ITGB5: variants seen among roughly 807,000 people sequenced by gnomAD.
ITGB5 encodes integrin beta-5.
A neutral mutation model predicts 84.8 loss-of-function variants in ITGB5; 38 were observed. That is an observed-to-expected ratio of 0.45 (90% confidence interval 0.35 to 0.59). The LOEUF (loss-of-function observed/expected upper bound fraction) is 0.59, where lower values mean the gene tolerates loss of function less well. Ranked by LOEUF, ITGB5 falls within the 20% of genes least tolerant of loss-of-function variation. ITGB5 has a pLI of 0.01. For missense variants in ITGB5, 905 were observed against 1,034.5 expected (o/e 0.87, Z 1.72); for synonymous variants, 393 against 414.4 (o/e 0.95, Z 0.63).
chr3:124,876,376 G>C (rs1033120511), intron 1 of ITGB5, among the ~76,000 whole-genome samples: 5 of 151,784 alleles, frequency 3.3e-5, no homozygotes, highest in African/African-American at 1.2e-4. Context: ...AAACAAACCA[G>C]TATCTTGCAA....
At chr3:124,842,997 C>T (rs58331374) in intron 4 of ITGB5, among the ~76,000 whole-genome samples, 29,765 of 152,078 alleles carry the variant, frequency 0.2, 3,027 homozygotes, top group Admixed American at 0.22. Context: ...CGCGCTCTCC[C>T]TCTCGGGGCC....
chr3:124,801,339 C>T (rs1444498339), intron 9 of ITGB5, among the ~76,000 whole-genome samples: 1 of 152,194 alleles, frequency 6.6e-6, no homozygotes, highest in Non-Finnish European at 1.5e-5. Flanking sequence ...GAAAGAGAAT[C>T]TCACTGGATT....
chr3:124,776,661 C>G (rs1559927261), intron 10 of ITGB5, among the ~76,000 whole-genome samples: 1 of 152,194 alleles, frequency 6.6e-6, no homozygotes, highest in Non-Finnish European at 1.5e-5. Flanking sequence ...CTCTGGCACT[C>G]TCTGATGGCT....
At chr3:124,816,558 T>G (rs1010426910) in intron 8 of ITGB5, among the ~76,000 whole-genome samples, 1 of 152,156 alleles carries the variant, frequency 6.6e-6, no homozygotes, top group Non-Finnish European at 1.5e-5. Context: ...AGCAGGTGGG[T>G]AGGCAATGGA....
intron 13 of ITGB5, among the ~76,000 whole-genome samples, chr3:124,765,978 G>A (rs1489951105): frequency 6.6e-6 from 1 of 150,660 alleles, no homozygotes; most frequent in South Asian, 2.1e-4. Flanking sequence ...AGGATCACCT[G>A]AACCCGAGGA....
In ITGB5 at chr3:124,823,987, G is replaced by A. The variant is rs569843530; in HGVS notation, c.781-2513C>T. ...ATATCATTTCAGGATTGGAAGAGCCGATGGTGTTGAGACGCCATCTCTCTG... is the reference window on the plus strand; with the variant it reads ...ATATCATTTCAGGATTGGAAGAGCCAATGGTGTTGAGACGCCATCTCTCTG... On this transcript the variant is annotated intron_variant, in intron 5 of 14. Transcript: ENST00000296181. Among the ~76,000 whole-genome samples, 213 of 152,286 alleles carry A rather than the reference G, an allele frequency of 1.4e-3. 1 individual carries two copies. Among genetic ancestry groups the A allele is most frequent in the African/African-American group, 5.0e-3 (206 of 41,570 alleles).
intron 3 of ITGB5, among the ~76,000 whole-genome samples, chr3:124,855,530 C>A (rs2065211833): frequency 6.6e-6 from 1 of 152,168 alleles, no homozygotes. Flanking sequence ...TAAGAGGCAT[C>A]ATTGGTTTCA....
chr3:124,764,555 A>G lies in ITGB5; in HGVS notation c.2140T>C (p.Cys714Arg), dbSNP rs1328560934. 1 of 1,605,798 alleles carries G rather than the reference A, an allele frequency of 6.2e-7. No individual in the cohort carries two copies. Among genetic ancestry groups the G allele is most frequent in the Middle Eastern group, 1.7e-4 (1 of 6,026 alleles). ...GTCATGGCGTTGGGGGTGTTTCCAC[A>G]CTCTGGGGGGACCAGAAGCATGGTA... The part of the protein sequence containing the change: ...SNLTVLREPE[C>R]GNTPNAMTIL... Residue 714 changes from cysteine (C) to arginine (R), a missense_variant and splice_region_variant, in exon 14 of 15, where the codon TGT (cysteine) becomes CGT (arginine). Physicochemically the swap from Cys to Arg is radical, Grantham distance 180 (BLOSUM62 -3). Transcript: ENST00000296181.
intron 4 of ITGB5, among the ~76,000 whole-genome samples, chr3:124,844,568 A>AG (rs2065053506): frequency 6.6e-6 from 1 of 152,120 alleles, no homozygotes. Flanking sequence ...TCAAAAAAAA[A>AG]AGGTAGGAAA....
intron 5 of ITGB5, among the ~76,000 whole-genome samples, chr3:124,827,542 C>T (rs1390119179): frequency 6.6e-6 from 1 of 152,176 alleles, no homozygotes; most frequent in African/African-American, 2.4e-5. Context: ...TACCACATGC[C>T]TTTACAGTAT....
intron 9 of ITGB5, among the ~76,000 whole-genome samples, chr3:124,802,360 C>T (rs2107526600): frequency 6.6e-6 from 1 of 152,340 alleles, no homozygotes; most frequent in South Asian, 2.1e-4. Flanking sequence ...ACTGTCAATG[C>T]TTTGGAGACA....
intron 1 of ITGB5, among the ~76,000 whole-genome samples, chr3:124,877,673 G>T (rs1455056870): frequency 6.6e-6 from 1 of 152,094 alleles, no homozygotes; most frequent in Admixed American, 6.6e-5. Context: ...GTCAGACGGG[G>T]TCCTGACCAG....
In ITGB5 at chr3:124,763,712, T is replaced by C. The variant is rs2063726671; in HGVS notation, c.2311A>G (p.Asn771Asp). The change falls in exon 15 of 15, where the codon AAT becomes GAT. Residue 771 changes from asparagine to aspartate, a missense_variant. By Grantham distance (23) the Asn-to-Asp change is conservative. Coordinates refer to ENST00000296181, the MANE Select transcript of ITGB5 (RefSeq NM_002213.5). ...GAGATAGGCTTTCTGTATAATGGAT[T>C]TGAAGCCTACAGAACACGGCGGGGA... is the stretch of plus-strand genomic sequence containing the variant. ...RSRARYEMAS[N>D]PLYRKPISTH... The C allele has an allele frequency of 3.8e-6, 6 of 1,598,504 alleles. No homozygotes were observed. The highest frequency in any genetic ancestry group is 2.2e-5 in the East Asian group (1 of 44,804).
At chr3:124,775,452 GAA>G (rs2063913122) in intron 10 of ITGB5, among the ~76,000 whole-genome samples, 1 of 152,084 alleles carries the variant, frequency 6.6e-6, no homozygotes, top group Non-Finnish European at 1.5e-5. Context: ...GCTGGACTGT[GAA>G]AAGACTAGAT....
intron 2 of ITGB5, 21 bp from the exon 3 acceptor site, chr3:124,859,467 A>C (rs775749153): frequency 2.5e-6 from 4 of 1,605,868 alleles, no homozygotes; most frequent in Non-Finnish European, 3.4e-6. Context: ...AAAAAGAGGA[A>C]GAGAGCAGGA....
intron 1 of ITGB5, among the ~76,000 whole-genome samples, chr3:124,896,787 C>T (rs1935112409): frequency 6.9e-6 from 1 of 144,368 alleles, no homozygotes; most frequent in South Asian, 2.2e-4. Flanking sequence ...GCTGGGCATG[C>T]ACGTGGCTCA....
Position 124,762,088 on chromosome 3 carries a change from A to G in ITGB5, c.*1535T>C, listed in dbSNP as rs1173484434. ...CACCAAGTTACCAGGTCTCTGTTTC[A>G]TCATATTTACACAAGATGAAGGAAA... On this transcript the variant is annotated 3_prime_UTR_variant, in exon 15 of 15. Coordinates refer to ENST00000296181, the MANE Select transcript of ITGB5 (RefSeq NM_002213.5). 2 of 152,212 alleles carry G rather than the reference A, an allele frequency of 1.3e-5. No individual in the cohort carries two copies. The highest frequency in any genetic ancestry group is 2.9e-5 in the Non-Finnish European group (2 of 68,040). 9.4% of individuals were successfully genotyped at this position (152,212 alleles called of 1,614,324 possible).
At chr3:124,864,548 C>T (rs187457236) in intron 2 of ITGB5, among the ~76,000 whole-genome samples, 242 of 152,204 alleles carry the variant, frequency 1.6e-3, no homozygotes, top group Middle Eastern at 3.4e-3. Flanking sequence ...CCAAATACTA[C>T]GTTTTCCCTT....
chr3:124,794,011 TAGGAC>T (rs2064185834), intron 10 of ITGB5, among the ~76,000 whole-genome samples: 3 of 152,184 alleles, frequency 2.0e-5, no homozygotes, highest in African/African-American at 7.2e-5. Context: ...CCTCCTCCCA[TAGGAC>T]GGAGTATCTG....
Sources: allele counts gnomAD v4.1 joint callset (sites outside exome capture counted in the v4.1 genomes callset), GRCh38; gene constraint gnomAD v4.1.1; transcripts MANE v1.5; gene names NCBI Gene and HGNC (gene_info 2026-07-23, HGNC 2026-07-21).